The following TNRC18 variants were observed in gnomAD, a reference collection of about 807,000 sequenced individuals.
TNRC18 encodes the protein trinucleotide repeat containing 18.
A neutral mutation model predicts 226.7 loss-of-function variants in TNRC18; 69 were observed. The observed-to-expected ratio is 0.30, with a 90% confidence interval of 0.25 to 0.37. TNRC18 has a LOEUF of 0.37. Among genes scored for constraint, TNRC18 ranks in the 10% least tolerant of loss-of-function variants. TNRC18 has a pLI of 1.00. For missense variants in TNRC18, 4,754 were observed against 4,256.6 expected (o/e 1.12, Z -3.25); for synonymous variants, 2,449 against 1,927.6 (o/e 1.27, Z -7.09).
rs375482610 is a variant in TNRC18, at chr7:5,394,494, G to A, written c.289C>T (p.Pro97Ser). The change falls in exon 3 of 30, where the codon CCA (proline) becomes TCA (serine). Residue 97 changes from proline to serine, a missense_variant. Pro to Ser is a moderately conservative substitution (Grantham distance 74). Coordinates refer to ENST00000430969, the MANE Select transcript of TNRC18 (RefSeq NM_001080495.3). The surrounding 1 kb of genome is among the most constrained non-coding windows in gnomAD (Gnocchi z 4.5). ...PLPSDLSFRS[P>S]TPSNLPMVQL... ...ACCATGGGCAGGTTGCTAGGGGTTG[G>A]GGAGCGGAAAGACAGGTCAGAGGGC... is the stretch of plus-strand genomic sequence containing the variant. 2 of 1,561,676 alleles carry A rather than the reference G, an allele frequency of 1.3e-6. No homozygotes were observed. The highest frequency in any genetic ancestry group is 1.4e-5 in the African/African-American group (1 of 73,226).
intron 9 of TNRC18, among the ~76,000 whole-genome samples, chr7:5,375,328 A>G (rs539937037): frequency 1.7e-4 from 26 of 151,698 alleles, no homozygotes; most frequent in African/African-American, 6.3e-4. Context: ...ACAAAAACAA[A>G]CAAACAAACA....
chr7:5,323,090 G>A (rs1271725332), intron 21 of TNRC18, among the ~76,000 whole-genome samples: 1 of 152,174 alleles, frequency 6.6e-6, no homozygotes, highest in East Asian at 1.9e-4. Flanking sequence ...GGGTCTGCAT[G>A]GCCACCCAGC....
intron 17 of TNRC18, among the ~76,000 whole-genome samples, chr7:5,351,161 A>C (rs1282658273): frequency 6.6e-6 from 1 of 151,970 alleles, no homozygotes; most frequent in Non-Finnish European, 1.5e-5. Context: ...GGCAGGCGGC[A>C]CGGTCCCGTC....
intron 16 of TNRC18, among the ~76,000 whole-genome samples, chr7:5,352,705 C>G (rs1392350699): frequency 6.6e-6 from 1 of 152,274 alleles, no homozygotes; most frequent in Non-Finnish European, 1.5e-5. Context: ...CCCAGAGTCT[C>G]CAGCCTAACT....
At chr7:5,395,491 C>T (rs1316237077) in intron 2 of TNRC18, among the ~76,000 whole-genome samples, 1 of 152,224 alleles carries the variant, frequency 6.6e-6, no homozygotes, top group Non-Finnish European at 1.5e-5. Context: ...AGCTGCCACC[C>T]AGGGGCTCTG....
intron 19 of TNRC18, 33 bp downstream of exon 19, chr7:5,332,589 T>A (rs1205131204): frequency 2.0e-6 from 3 of 1,506,574 alleles, no homozygotes; most frequent in Non-Finnish European, 2.7e-6. Context: ...CCAGGGACCC[T>A]TCTGCGGCAC....
Position 5,378,029 on chromosome 7 carries a change from A to AG in TNRC18, c.2153-6dup. 1 of 1,607,006 alleles carries AG rather than the reference A, an allele frequency of 6.2e-7. No homozygotes were observed. Among genetic ancestry groups the AG allele is most frequent in the South Asian group, 1.1e-5 (1 of 90,894 alleles). ...CCTCATCTGCTCGGCCGTGCCCTGC[A>AG]GGGGGCCAGGTGGAAGTGAGCCCCC... is the stretch of plus-strand genomic sequence containing the variant. On this transcript the variant is annotated splice_region_variant and splice_polypyrimidine_tract_variant and intron_variant, in intron 5 of 29. Coordinates refer to ENST00000430969, the MANE Select transcript of TNRC18 (RefSeq NM_001080495.3).
intron 18 of TNRC18, among the ~76,000 whole-genome samples, chr7:5,334,831 CAG>C (rs766471412): frequency 1.3e-5 from 2 of 152,232 alleles, no homozygotes; most frequent in South Asian, 2.1e-4. Context: ...ACGTGGAAGG[CAG>C]AGAGTGAAGT....
chr7:5,328,855 G>C (rs540175153), intron 19 of TNRC18, among the ~76,000 whole-genome samples: 1 of 152,196 alleles, frequency 6.6e-6, no homozygotes, highest in East Asian at 1.9e-4. Flanking sequence ...AGGTGTGTTG[G>C]TGTGCCACTG....
upstream of TNRC18, among the ~76,000 whole-genome samples, chr7:5,423,834 T>TA (rs1259808024): frequency 0.075 from 5,335 of 71,488 alleles, 164 homozygotes; most frequent in African/African-American, 0.11. Flanking sequence ...TCGCAGGATC[T>TA]AAAAAAAAAA....
At chr7:5,310,871 T>C (rs1787105081) in intron 27 of TNRC18, among the ~76,000 whole-genome samples, 1 of 152,248 alleles carries the variant, frequency 6.6e-6, no homozygotes, top group African/African-American at 2.4e-5. Context: ...CATGTATATG[T>C]GCCTGTGTGT....
intron 5 of TNRC18, among the ~76,000 whole-genome samples, chr7:5,378,354 A>G (rs921863311): frequency 2.6e-5 from 4 of 152,206 alleles, no homozygotes; most frequent in Admixed American, 6.5e-5. Flanking sequence ...AACTTGTCAC[A>G]TAACAATGAA....
chr7:5,332,768 G>A lies in TNRC18; in HGVS notation c.6001C>T (p.Arg2001Cys), dbSNP rs1334287112. The A allele has an allele frequency of 6.6e-7, 1 of 1,516,934 alleles. No homozygotes were observed. The highest frequency in any genetic ancestry group is 8.8e-7 in the Non-Finnish European group (1 of 1,138,938). 94.0% of individuals were successfully genotyped at this position (1,516,934 alleles called of 1,614,324 possible). ...GCCGAGGCGTCGTGCAGGAAGATGC[G>A]CTCGCTGCGGCGCCGCGTCCACAGG... ...DDLWTRRRSE[R>C]IFLHDASAAA... is the part of the protein sequence containing the mutation. The change falls in exon 19 of 30, where the codon CGC becomes TGC. Residue 2001 changes from arginine to cysteine, a missense_variant. Coordinates refer to ENST00000430969, the MANE Select transcript of TNRC18 (RefSeq NM_001080495.3).
At chr7:5,343,787 A>G (rs1327202971) in intron 18 of TNRC18, among the ~76,000 whole-genome samples, 1 of 152,240 alleles carries the variant, frequency 6.6e-6, no homozygotes, top group African/African-American at 2.4e-5. Flanking sequence ...GCTACTGCAC[A>G]CTTAATAGGC....
At chr7:5,393,314 T>C (rs1057074497) in intron 3 of TNRC18, among the ~76,000 whole-genome samples, 12 of 152,248 alleles carry the variant, frequency 7.9e-5, no homozygotes, top group Non-Finnish European at 1.8e-4. Flanking sequence ...CGTGCCTGGA[T>C]TCAGATGCCT....
Position 5,352,028 on chromosome 7 carries a change from G to A in TNRC18, c.5261C>T (p.Ser1754Phe), listed in dbSNP as rs768037307. The change falls in exon 17 of 30, where the codon TCC becomes TTC. Residue 1754 changes from serine to phenylalanine, a missense_variant. Ser to Phe is a radical substitution (Grantham distance 155). Coordinates refer to ENST00000430969, the MANE Select transcript of TNRC18 (RefSeq NM_001080495.3). ...ACACAGGAGGGAAGGCGTCAGTTTG[G>A]AGCTGGAGGGGCCTTGGGCGGGCCA... ...DEWPAQGPSS[S>F]KLTPSLLCSM... The A allele has an allele frequency of 2.5e-6, 4 of 1,613,906 alleles. No homozygotes were observed. The highest frequency in any genetic ancestry group is 3.4e-6 in the Non-Finnish European group (4 of 1,179,838).
rs1269107734 is a variant in TNRC18 at position 5,309,087 on chromosome 7, C to T, written c.8625+45G>A. The T allele has an allele frequency of 7.1e-6, 11 of 1,550,114 alleles. No homozygotes were observed. Among genetic ancestry groups the T allele is most frequent in the Non-Finnish European group, 9.6e-6 (11 of 1,143,404 alleles). ...AGAACGCCTCGCCCTCAGGTCTGCC[C>T]TACACCGCCTAGGACTGGGGGCCGC... On this transcript the variant is annotated intron_variant, in intron 28 of 29. Coordinates refer to ENST00000430969, the MANE Select transcript of TNRC18 (RefSeq NM_001080495.3). The surrounding 1 kb of genome is among the most constrained non-coding windows in gnomAD (Gnocchi z 5.7).
At chr7:5,352,225 C>T (rs1316582020) in intron 16 of TNRC18, 131 bp from the exon 17 acceptor site, 13 of 969,744 alleles carry the variant, frequency 1.3e-5, no homozygotes, top group East Asian at 1.3e-4. Context: ...ACCTAGTAGG[C>T]GGCCGTACAA....
intron 3 of TNRC18, among the ~76,000 whole-genome samples, chr7:5,393,846 G>A (rs1421132419): frequency 1.3e-5 from 2 of 152,102 alleles, no homozygotes; most frequent in African/African-American, 2.4e-5. Context: ...AGAAGAAAAG[G>A]CCCCAACAGC....
Sources: allele counts gnomAD v4.1 joint callset (sites outside exome capture counted in the v4.1 genomes callset), GRCh38; gene constraint gnomAD v4.1.1; non-coding constraint Gnocchi (gnomAD v3.1); transcripts MANE v1.5; gene names NCBI Gene and HGNC (gene_info 2026-07-23, HGNC 2026-07-21).